The following OTOGL variants were observed in gnomAD, a reference collection of about 807,000 sequenced individuals.
The protein encoded by OTOGL is otogelin-like protein.
In OTOGL, 285 loss-of-function variants were observed where a neutral mutation model predicts 318.5. The observed-to-expected ratio is 0.89, with a 90% CI of 0.81 to 0.99. The LOEUF (loss-of-function observed/expected upper bound fraction) is 0.99. OTOGL is among the 50% of genes least tolerant of loss of function. The pLI is 0.00. For synonymous variants in OTOGL, 987 were observed against 936.5 expected, an observed-to-expected ratio of 1.05 and a Z score of -0.99; for missense variants, 2,899 against 2,845.6, an observed-to-expected ratio of 1.02 and a Z score of -0.43.
At position 80,379,555 on chromosome 12, in the gene OTOGL, A is replaced by G. The variant is rs1438417468; in HGVS notation, c.*1507A>G. ...GTGTTCCTGAGATGTTAACATTTCA[A>G]TATTCTCTGATTCCTATTAACATAT... is the stretch of plus-strand genomic sequence containing the variant. On this transcript the variant is annotated 3_prime_UTR_variant, in exon 59 of 59. Transcript: ENST00000547103. The G allele has an allele frequency of 7.2e-6, 1 of 139,072 alleles. No homozygotes were observed. Among genetic ancestry groups the G allele is most frequent in the Non-Finnish European group, 1.5e-5 (1 of 64,668 alleles). 8.6% of individuals were successfully genotyped at this position (139,072 alleles called of 1,614,324 possible). A position where few individuals can be genotyped will look rare whatever the true frequency, so the allele number is the denominator to read the frequency against.
chr12:80,357,052 TA>T (rs1279952379), intron 49 of OTOGL, 138 bp downstream of exon 49: 13 of 475,758 alleles, frequency 2.7e-5, no homozygotes, highest in South Asian at 5.5e-5. Flanking sequence ...AGAACTCTTG[TA>T]AAGAAAGTAT....
At chr12:80,224,013 G>A (rs1477990986) in intron 7 of OTOGL, among the ~76,000 whole-genome samples, 1 of 152,142 alleles carries the variant, frequency 6.6e-6, no homozygotes, top group African/African-American at 2.4e-5. Context: ...CTAAGCCAAT[G>A]TCTAGAAAGC....
chr12:80,137,340 C>A (rs1253860334), intron 1 of OTOGL, among the ~76,000 whole-genome samples: 2 of 151,988 alleles, frequency 1.3e-5, no homozygotes, highest in Non-Finnish European at 2.9e-5. Flanking sequence ...ACTTCTGGCA[C>A]AATCAATTGT....
intron 44 of OTOGL, among the ~76,000 whole-genome samples, chr12:80,352,006 G>A (rs1424173576): frequency 6.6e-6 from 1 of 152,086 alleles, no homozygotes; most frequent in Non-Finnish European, 1.5e-5. Flanking sequence ...GGCAATTGTA[G>A]CCCACAGTGG....
intron 1 of OTOGL, among the ~76,000 whole-genome samples, chr12:80,142,130 GTTAGAGAAAAAC>G (rs935808586): frequency 6.6e-6 from 1 of 152,144 alleles, no homozygotes; most frequent in African/African-American, 2.4e-5. Flanking sequence ...GAAGGAGAAG[GTTAGAGAAAAAC>G]TTAGATCAGC....
At chr12:80,347,813 T>C (rs879635011) in intron 44 of OTOGL, among the ~76,000 whole-genome samples, 1 of 152,218 alleles carries the variant, frequency 6.6e-6, no homozygotes, top group Non-Finnish European at 1.5e-5. Flanking sequence ...ATTGCCATTC[T>C]AACTGGTGTG....
chr12:80,268,335 CA>C (rs11311194), intron 22 of OTOGL, among the ~76,000 whole-genome samples: 9,469 of 152,078 alleles, frequency 0.062, 939 homozygotes, highest in African/African-American at 0.22. Context: ...AAGAGATAGG[CA>C]ATGTTGTTTT....
At chr12:80,275,291 C>T (rs1030997748) in intron 24 of OTOGL, among the ~76,000 whole-genome samples, 2 of 151,874 alleles carry the variant, frequency 1.3e-5, no homozygotes, top group African/African-American at 4.8e-5. Flanking sequence ...TTCTAACCCT[C>T]ACGGATAACT....
At chr12:80,261,030 C>T (rs921706239) in intron 18 of OTOGL, among the ~76,000 whole-genome samples, 3 of 152,014 alleles carry the variant, frequency 2.0e-5, no homozygotes, top group Admixed American at 1.3e-4. Context: ...GAGAGAAGGA[C>T]GAAAGGGTGG....
intron 57 of OTOGL, among the ~76,000 whole-genome samples, chr12:80,374,644 C>CA (rs1411969948): frequency 1.3e-5 from 2 of 150,078 alleles, no homozygotes; most frequent in Non-Finnish European, 3.0e-5. Flanking sequence ...TAAGATTTCA[C>CA]TTTTTTTTTT....
At chr12:80,119,557 C>T (rs1870366351) in intron 1 of OTOGL, among the ~76,000 whole-genome samples, 1 of 152,176 alleles carries the variant, frequency 6.6e-6, no homozygotes, top group African/African-American at 2.4e-5. Context: ...GCTTATAAAC[C>T]TTTGTTGTCT....
At chr12:80,337,157 AATATT>A (rs1393968161) in intron 42 of OTOGL, among the ~76,000 whole-genome samples, 153 bp downstream of exon 42, 2 of 152,140 alleles carry the variant, frequency 1.3e-5, no homozygotes, top group Non-Finnish European at 2.9e-5. Flanking sequence ...TGTGTTTCTT[AATATT>A]ATATTTGTCT....
At chr12:80,298,117 G>T (rs1885532184) in intron 27 of OTOGL, among the ~76,000 whole-genome samples, 1 of 152,148 alleles carries the variant, frequency 6.6e-6, no homozygotes, top group African/African-American at 2.4e-5. Context: ...AATTATTGGG[G>T]CTACAACAGT....
chr12:80,157,804 G>T (rs941718137), intron 1 of OTOGL, among the ~76,000 whole-genome samples: 6 of 151,670 alleles, frequency 4.0e-5, no homozygotes, highest in Non-Finnish European at 7.4e-5. Context: ...TATCATAAGG[G>T]TGACAGTGGT....
At chr12:80,214,841 TA>T (rs1264749720) in intron 4 of OTOGL, among the ~76,000 whole-genome samples, 1 of 152,234 alleles carries the variant, frequency 6.6e-6, no homozygotes, top group Non-Finnish European at 1.5e-5. Context: ...TTATATGACA[TA>T]AAAAATAAAT....
At chr12:80,305,429 C>A in intron 28 of OTOGL, 147 bp from the exon 29 acceptor site, 1 of 747,146 alleles carries the variant, frequency 1.3e-6, no homozygotes, top group East Asian at 3.5e-5. Flanking sequence ...ATGAGAAAAT[C>A]CACTTTCTTC....
rs866326719 is a variant in OTOGL at position 80,342,226 on chromosome 12, C to T, written c.5265+64C>T. On this transcript the variant is annotated intron_variant, in intron 44 of 58. Coordinates refer to ENST00000547103, the MANE Select transcript of OTOGL (RefSeq NM_001378609.3). Reference sequence around the variant, plus strand: ...GATATGTTGAGAGTAAAAGCCAATACGTTACTGTTCTTGCTATAATGTTCT... The same window carrying T: ...GATATGTTGAGAGTAAAAGCCAATATGTTACTGTTCTTGCTATAATGTTCT... 4.4e-5 allele frequency: 55 copies of T among 1,242,690 alleles called. 1 individual carries two copies. The Middle Eastern group carries it at 4.0e-3, about 91-fold the overall frequency. 77.0% of individuals were successfully genotyped at this position (1,242,690 alleles called of 1,614,324 possible).
chr12:80,159,919 A>G (rs1873389918), intron 1 of OTOGL, among the ~76,000 whole-genome samples: 1 of 152,186 alleles, frequency 6.6e-6, no homozygotes, highest in Non-Finnish European at 1.5e-5. Context: ...CCAATGGAAT[A>G]GAATAGAGAA....
In OTOGL at chr12:80,352,579, CAT is replaced by C. The variant is rs543973327; in HGVS notation, c.5407+144_5407+145del. 7.0e-4 allele frequency: 490 copies of C among 697,548 alleles called. 3 individuals are homozygous for C. The African/African-American group carries it at 8.1e-3, about 11-fold the overall frequency. 43.2% of individuals were successfully genotyped at this position (697,548 alleles called of 1,614,324 possible). On this transcript the variant is annotated intron_variant, in intron 45 of 58. Coordinates refer to ENST00000547103, the MANE Select transcript of OTOGL (RefSeq NM_001378609.3). Reference sequence around the variant, plus strand: ...AAGAAGCTATGACAAACACAAGTTACATCACTTGATTTCAGAAATAAAACAGT... The same window carrying C: ...AAGAAGCTATGACAAACACAAGTTACCACTTGATTTCAGAAATAAAACAGT...
Sources: gnomAD v4.1 joint callset for allele counts (sites outside exome capture counted in the v4.1 genomes callset) on GRCh38, gnomAD v4.1.1 for gene constraint, MANE v1.5 for transcripts, NCBI Gene and HGNC (gene_info 2026-07-23, HGNC 2026-07-21) for gene names.